Variants in RASAL2 observed in about 807,000 individuals in gnomAD.
RASAL2 encodes the protein ras GTPase-activating protein nGAP.
A neutral mutation model predicts 128.9 loss-of-function variants in RASAL2; 58 were observed. That is an observed-to-expected ratio of 0.45 (90% CI 0.36 to 0.56). The LOEUF is 0.56. Among genes scored for constraint, RASAL2 ranks in the 20% least tolerant of loss-of-function variants. The pLI, the probability that RASAL2 is intolerant of heterozygous loss-of-function variation, is 0.00. For synonymous variants in RASAL2, 561 were observed against 580.8 expected (o/e 0.97, Z 0.49); for missense variants, 1,360 against 1,601.6 (o/e 0.85, Z 2.57).
chr1:178,452,929 A>C (rs1442144818), intron 11 of RASAL2, among the ~76,000 whole-genome samples: 1 of 152,198 alleles, frequency 6.6e-6, no homozygotes, highest in Non-Finnish European at 1.5e-5. Flanking sequence ...TTATATTAAA[A>C]GTGCTGATAA....
chr1:178,232,015 A>C (rs1472984427), intron 1 of RASAL2, among the ~76,000 whole-genome samples: 1 of 152,228 alleles, frequency 6.6e-6, no homozygotes, highest in Non-Finnish European at 1.5e-5. Flanking sequence ...TTCGACCATA[A>C]TAAGAAAAAG....
intron 3 of RASAL2, among the ~76,000 whole-genome samples, chr1:178,354,907 T>C (rs540273627): frequency 6.6e-6 from 1 of 152,304 alleles, no homozygotes; most frequent in Admixed American, 6.5e-5. Flanking sequence ...TCAATGTAAT[T>C]CCAGTTTTAA....
intron 1 of RASAL2, among the ~76,000 whole-genome samples, chr1:178,206,803 A>G (rs1663065446): frequency 6.6e-6 from 1 of 152,066 alleles, no homozygotes; most frequent in Admixed American, 6.6e-5. Context: ...AGTAACCTTT[A>G]AAAAAAAGTT....
chr1:178,127,225 T>C (rs1306151680), intron 1 of RASAL2, among the ~76,000 whole-genome samples: 2 of 152,172 alleles, frequency 1.3e-5, no homozygotes, highest in African/African-American at 2.4e-5. Context: ...ATATTTGTTA[T>C]TACCCAGTAC....
intron 1 of RASAL2, among the ~76,000 whole-genome samples, chr1:178,234,312 T>C (rs1480741539): frequency 1.3e-5 from 2 of 152,188 alleles, no homozygotes; most frequent in Non-Finnish European, 2.9e-5. Flanking sequence ...TTAATGTTAT[T>C]AGTGAGAAAT....
At chr1:178,151,870 T>G (rs1660926003) in intron 1 of RASAL2, among the ~76,000 whole-genome samples, 1 of 152,234 alleles carries the variant, frequency 6.6e-6, no homozygotes, top group African/African-American at 2.4e-5. Flanking sequence ...GACGTCTGTA[T>G]AGTCCTGTGG....
intron 13 of RASAL2, among the ~76,000 whole-genome samples, chr1:178,457,217 C>G (rs1425230170): frequency 6.6e-6 from 1 of 152,190 alleles, no homozygotes; most frequent in Non-Finnish European, 1.5e-5. Flanking sequence ...TCTTGGAGAA[C>G]CTCGGTTAAA....
intron 14 of RASAL2, among the ~76,000 whole-genome samples, chr1:178,459,173 C>T (rs748745704): frequency 6.6e-6 from 1 of 152,000 alleles, no homozygotes; most frequent in Non-Finnish European, 1.5e-5. Context: ...ATGGACAAGC[C>T]CAGCTAACAT....
rs573234179 is a variant in RASAL2 at position 178,320,733 on chromosome 1, A to T, written c.457+20615A>T. 1.1e-3 allele frequency among the ~76,000 whole-genome samples: 165 copies of T among 152,322 alleles called. 1 individual carries two copies. The highest frequency in any genetic ancestry group is 3.7e-3 in the African/African-American group (154 of 41,580). On this transcript the variant is annotated intron_variant, in intron 3 of 17. Coordinates refer to ENST00000367649, the MANE Select transcript of RASAL2 (RefSeq NM_170692.4). Reference sequence around the variant, plus strand: ...GATGAACCCGGTACCTCAGATGGAAATGCAGAAATCACCCGTCTTCTGCCT... The same window carrying T: ...GATGAACCCGGTACCTCAGATGGAATTGCAGAAATCACCCGTCTTCTGCCT...
At chr1:178,392,396 A>G (rs1482837614) in intron 4 of RASAL2, among the ~76,000 whole-genome samples, 1 of 152,164 alleles carries the variant, frequency 6.6e-6, no homozygotes, top group Non-Finnish European at 1.5e-5. Context: ...TATAGAAAGA[A>G]CTGAGTGAGA....
intron 1 of RASAL2, among the ~76,000 whole-genome samples, chr1:178,130,111 C>A (rs1282823115): frequency 6.6e-6 from 1 of 152,138 alleles, no homozygotes. Context: ...TCAAATTCAG[C>A]AGGGCAGTTT....
chr1:178,369,346 C>T (rs1006124271), intron 3 of RASAL2, among the ~76,000 whole-genome samples: 3 of 151,962 alleles, frequency 2.0e-5, no homozygotes, highest in African/African-American at 4.8e-5. Context: ...CTCAGTCTCC[C>T]GAGTAGCTGG....
chr1:178,242,437 C>T (rs1406652084), intron 1 of RASAL2, among the ~76,000 whole-genome samples: 1 of 17,252 alleles, frequency 5.8e-5, no homozygotes, highest in Non-Finnish European at 1.2e-4. Context: ...CTCTCTCTCT[C>T]TCTCTCTCTC....
chr1:178,433,763 A>G (rs183105031), intron 5 of RASAL2, among the ~76,000 whole-genome samples: 220 of 152,124 alleles, frequency 1.4e-3, no homozygotes, highest in African/African-American at 5.2e-3. Flanking sequence ...AAATACAAAA[A>G]TTAACTGGGA....
Position 178,367,461 on chromosome 1 carries a change from A to G in RASAL2, c.458-22639A>G, listed in dbSNP as rs557535600. Among the ~76,000 whole-genome samples the G allele has an allele frequency of 6.5e-4, 99 of 152,186 alleles. No individual in the cohort carries two copies. The Middle Eastern group carries it at 0.01, about 16-fold the overall frequency. ...TACCATCTAACACAATATATATTTT[A>G]CTTTTTTATCTTACTATTTCTCTTC... On this transcript the variant is annotated intron_variant, in intron 3 of 17. Transcript: ENST00000367649.
chr1:178,249,365 C>T (rs1479259053), intron 1 of RASAL2, among the ~76,000 whole-genome samples: 5 of 151,882 alleles, frequency 3.3e-5, no homozygotes, highest in Non-Finnish European at 5.9e-5. Flanking sequence ...TCACGAAATT[C>T]TCGTGCTGTG....
Position 178,122,398 on chromosome 1 carries a change from T to C in RASAL2, c.202+27704T>C, listed in dbSNP as rs186239643. On this transcript the variant is annotated intron_variant, in intron 1 of 17. Coordinates refer to ENST00000367649, the MANE Select transcript of RASAL2 (RefSeq NM_170692.4). ...AAAAAGAAACTAATGCTGCCTGCTTTGACTGTGTTTGGGTCAGAAATGGAG... is the reference window on the plus strand; with the variant it reads ...AAAAAGAAACTAATGCTGCCTGCTTCGACTGTGTTTGGGTCAGAAATGGAG... 4.6e-5 allele frequency among the ~76,000 whole-genome samples: 7 copies of C among 152,342 alleles called. No homozygotes were observed. The East Asian group carries it at 1.3e-3, about 29-fold the overall frequency.
At chr1:178,270,831 T>C (rs1339410303) in intron 1 of RASAL2, among the ~76,000 whole-genome samples, 1 of 152,160 alleles carries the variant, frequency 6.6e-6, no homozygotes, top group Admixed American at 6.5e-5. Flanking sequence ...CTTTTGTTAG[T>C]ATCTTTAGTT....
intron 1 of RASAL2, among the ~76,000 whole-genome samples, chr1:178,185,778 A>G (rs1429310723): frequency 1.3e-5 from 2 of 152,128 alleles, no homozygotes; most frequent in South Asian, 2.1e-4. Context: ...AATGCTGGAT[A>G]TGATTTGCTA....
Sources: gnomAD v4.1 joint callset for allele counts (sites outside exome capture counted in the v4.1 genomes callset) on GRCh38, gnomAD v4.1.1 for gene constraint, MANE v1.5 for transcripts, NCBI Gene and HGNC (gene_info 2026-07-23, HGNC 2026-07-21) for gene names.